ITGA6: variants seen among roughly 807,000 people sequenced by gnomAD.
The protein encoded by ITGA6 is integrin subunit alpha 6.
A neutral mutation model predicts 133.6 loss-of-function variants in ITGA6; 63 were observed. That is an observed-to-expected ratio of 0.47 (90% CI 0.38 to 0.58). ITGA6 has a LOEUF of 0.58. Ranked by LOEUF, ITGA6 falls within the 20% of genes least tolerant of loss-of-function variation. The pLI, the probability that ITGA6 is intolerant of heterozygous loss-of-function variation, is 0.00. For missense variants in ITGA6, 1,068 were observed against 1,309.4 expected, an observed-to-expected ratio of 0.82 and a Z score of 2.85; for synonymous variants, 434 against 482.0, an observed-to-expected ratio of 0.90 and a Z score of 1.30.
At chr2:172,474,392 C>T in intron 6 of ITGA6, 127 bp downstream of exon 6, 1 of 798,324 alleles carries the variant, frequency 1.3e-6, no homozygotes, top group East Asian at 2.6e-5. Context: ...CGCATTTTTA[C>T]CAGCCTATCT....
chr2:172,467,410 T>A, intron 2 of ITGA6, 71 bp from the exon 3 acceptor site: 1 of 1,167,126 alleles, frequency 8.6e-7, no homozygotes, highest in South Asian at 1.2e-5. Flanking sequence ...AACAGTTGCT[T>A]GTATTTTTGT....
rs745816451 is a variant in ITGA6 at position 172,498,023 on chromosome 2, G to C, written c.3037G>C (p.Val1013Leu). The C allele has an allele frequency of 4.2e-5, 67 of 1,613,538 alleles. No individual in the cohort carries two copies. Among genetic ancestry groups the C allele is most frequent in the Non-Finnish European group, 4.2e-5 (49 of 1,179,612 alleles). The change falls in exon 24 of 26, where the codon GTA becomes CTA. Residue 1013 changes from valine (V) to leucine (L), a missense_variant. By Grantham distance (32) the Val-to-Leu change is conservative. Coordinates refer to ENST00000684293, the MANE Select transcript of ITGA6 (RefSeq NM_000210.4). ...AAAGACTGTAGCTCAGTATTCGGGA[G>C]TACCTTGGTGGATCATCCTAGTGGC... ...PSKTVAQYSG[V>L]PWWIILVAIL...
chr2:172,432,119 T>C (rs920687267), intron 1 of ITGA6, among the ~76,000 whole-genome samples: 15 of 152,166 alleles, frequency 9.9e-5, no homozygotes, highest in African/African-American at 3.4e-4. Context: ...AGAGGGACAG[T>C]GAGACAAAAC....
chr2:172,445,850 G>A (rs1180968972), intron 1 of ITGA6, among the ~76,000 whole-genome samples: 1 of 152,184 alleles, frequency 6.6e-6, no homozygotes, highest in Non-Finnish European at 1.5e-5. Context: ...CCAGGCAGCT[G>A]AAGAAAGGAG....
chr2:172,489,430 C>T, intron 19 of ITGA6, 55 bp from the exon 20 acceptor site: 1 of 1,406,476 alleles, frequency 7.1e-7, no homozygotes, highest in South Asian at 1.2e-5. Context: ...GGAGCTGCTA[C>T]TTAAATTTAC....
chr2:172,478,197 G>A (rs1686263150), intron 9 of ITGA6, among the ~76,000 whole-genome samples: 2 of 152,068 alleles, frequency 1.3e-5, no homozygotes. Flanking sequence ...AAAATAGAAT[G>A]GTAAACAATA....
intron 1 of ITGA6, among the ~76,000 whole-genome samples, chr2:172,431,481 T>C (rs978684558): frequency 6.6e-6 from 1 of 152,240 alleles, no homozygotes; most frequent in African/African-American, 2.4e-5. Flanking sequence ...GGACTCTTAC[T>C]ATTGACTCTA....
intron 1 of ITGA6, among the ~76,000 whole-genome samples, chr2:172,446,176 TG>T (rs533397463): frequency 1.6e-3 from 248 of 152,350 alleles, no homozygotes; most frequent in African/African-American, 5.7e-3. Flanking sequence ...TTCAAAGCAT[TG>T]AAAAATTTGT....
chr2:172,465,419 G>A, intron 1 of ITGA6, 120 bp from the exon 2 acceptor site: 2 of 1,200,856 alleles, frequency 1.7e-6, no homozygotes, highest in East Asian at 2.3e-5. Context: ...TGCCTAAGCT[G>A]TTGAAGAATT....
At chr2:172,469,783 CAG>C (rs879269624) in intron 4 of ITGA6, among the ~76,000 whole-genome samples, 6 of 152,100 alleles carry the variant, frequency 3.9e-5, no homozygotes, top group Non-Finnish European at 7.4e-5. Context: ...ACATTAATAA[CAG>C]AGTATTAATA....
intron 1 of ITGA6, among the ~76,000 whole-genome samples, chr2:172,443,887 G>A (rs10187564): frequency 0.068 from 10,268 of 152,094 alleles, 455 homozygotes; most frequent in East Asian, 0.26. Flanking sequence ...TGATCCTCCC[G>A]CCTCGGCCTC....
intron 1 of ITGA6, among the ~76,000 whole-genome samples, chr2:172,464,967 G>A: frequency 6.6e-6 from 1 of 151,318 alleles, no homozygotes. Flanking sequence ...GAATTGGAAA[G>A]AGGCCAAGGC....
At chr2:172,456,387 G>A (rs556593508) in intron 1 of ITGA6, among the ~76,000 whole-genome samples, 79 of 152,348 alleles carry the variant, frequency 5.2e-4, no homozygotes, top group African/African-American at 1.9e-3. Context: ...GCGTGGTGCT[G>A]TTGAATTCAA....
intron 5 of ITGA6, chr2:172,472,842 C>T (rs373728387): frequency 8.7e-6 from 14 of 1,612,386 alleles, no homozygotes; most frequent in Middle Eastern, 1.6e-4. Flanking sequence ...ACGGCCTCCC[C>T]GGGAGCAGCC....
At chr2:172,470,126 C>G (rs75188128) in intron 4 of ITGA6, among the ~76,000 whole-genome samples, 2,257 of 152,232 alleles carry the variant, frequency 0.015, 46 homozygotes, top group African/African-American at 0.051. Flanking sequence ...ATAACACTTT[C>G]ACTCATCAGG....
Position 172,451,116 on chromosome 2 carries a change from C to T in ITGA6, c.183-14423C>T, listed in dbSNP as rs565564976. Among the ~76,000 whole-genome samples the T allele has an allele frequency of 6.5e-4, 98 of 151,180 alleles. 2 individuals carry two copies. The highest frequency in any genetic ancestry group is 2.2e-3 in the African/African-American group (90 of 41,186). The stretch of plus-strand genomic sequence containing the variant: ...GGTGCCGTAAGCCAAGATTGCACCA[C>T]TGCACTCCAGCCTGGGTGACAGAGT... On this transcript the variant is annotated intron_variant, in intron 1 of 25. Transcript: ENST00000684293.
At chr2:172,460,440 C>T (rs778381819) in intron 1 of ITGA6, among the ~76,000 whole-genome samples, 1 of 152,136 alleles carries the variant, frequency 6.6e-6, no homozygotes, top group East Asian at 1.9e-4. Context: ...AATAGAGGAA[C>T]TAAATCTAGT....
chr2:172,443,626 T>C lies in ITGA6; in HGVS notation c.182+15656T>C, dbSNP rs368431474. 2.6e-5 allele frequency among the ~76,000 whole-genome samples: 4 copies of C among 152,362 alleles called. No individual in the cohort carries two copies. In the East Asian group the frequency reaches 5.8e-4, roughly 22 times the overall value. On this transcript the variant is annotated intron_variant, in intron 1 of 25. Coordinates refer to ENST00000684293, the MANE Select transcript of ITGA6 (RefSeq NM_000210.4). ...CCTTATGCCCAAGCTGTTGGATCCC[T>C]GAAGGCTTCAATGTTTGTGTCCTAG...
chr2:172,430,986 G>T (rs185244005), intron 1 of ITGA6, among the ~76,000 whole-genome samples: 9 of 152,304 alleles, frequency 5.9e-5, no homozygotes, highest in Non-Finnish European at 7.3e-5. Flanking sequence ...TCACAGGGAA[G>T]AACCTAGAAG....
Sources: gnomAD v4.1 joint callset for allele counts (sites outside exome capture counted in the v4.1 genomes callset) on GRCh38, gnomAD v4.1.1 for gene constraint, MANE v1.5 for transcripts, NCBI Gene and HGNC (gene_info 2026-07-23, HGNC 2026-07-21) for gene names.